KDM4C: variants seen among roughly 807,000 people sequenced by gnomAD.
KDM4C encodes the protein lysine-specific demethylase 4C.
Under a neutral mutation model 129.3 loss-of-function variants are expected in KDM4C, and 81 were observed. The ratio of observed to expected loss-of-function variants is 0.63; its 90% CI spans 0.52 to 0.75. The LOEUF is 0.75. Ranked by LOEUF, KDM4C falls within the 30% of genes least tolerant of loss-of-function variation. The pLI, the probability that KDM4C is intolerant of heterozygous loss-of-function variation, is 0.00. For missense variants in KDM4C, 1,457 were observed against 1,304.0 expected (o/e 1.12, Z -1.81); for synonymous variants, 573 against 456.1 (o/e 1.26, Z -3.26).
intron 8 of KDM4C, chr9:6,893,775 T>C (rs1846438815): frequency 6.6e-6 from 1 of 152,212 alleles, no homozygotes; most frequent in African/African-American, 2.4e-5. Context: ...TGGTATAAAA[T>C]TTTGCATCTC....
intron 5 of KDM4C, among the ~76,000 whole-genome samples, chr9:6,872,744 A>G (rs1165035540): frequency 2.0e-5 from 3 of 152,008 alleles, no homozygotes; most frequent in Non-Finnish European, 4.4e-5. Flanking sequence ...CCATCCCTTT[A>G]TTTTGAGCCT....
At chr9:7,061,271 G>A (rs908293623) in intron 17 of KDM4C, among the ~76,000 whole-genome samples, 2 of 152,156 alleles carry the variant, frequency 1.3e-5, no homozygotes, top group African/African-American at 4.8e-5. Context: ...GTTGAGCCAT[G>A]CTTACATCTC....
At chr9:7,118,517 T>G (rs570211435) in intron 18 of KDM4C, among the ~76,000 whole-genome samples, 12 of 152,360 alleles carry the variant, frequency 7.9e-5, no homozygotes, top group Admixed American at 3.3e-4. Flanking sequence ...TGTATTGATT[T>G]ATTTATTGCA....
chr9:6,843,011 C>T (rs1837248470), intron 4 of KDM4C, among the ~76,000 whole-genome samples: 1 of 152,192 alleles, frequency 6.6e-6, no homozygotes, highest in Non-Finnish European at 1.5e-5. Flanking sequence ...CTTACTGTAA[C>T]TTCCACCGCC....
chr9:6,958,081 TA>T lies in KDM4C; in HGVS notation c.922-22843del, dbSNP rs1194740133. 6.1e-5 allele frequency among the ~76,000 whole-genome samples: 6 copies of T among 98,628 alleles called. No individual in the cohort carries two copies. In the Admixed American group the frequency reaches 7.3e-4, roughly 12 times the overall value. 64.7% of individuals were successfully genotyped at this position (98,628 alleles called of 152,430 possible). A position where few individuals can be genotyped will look rare whatever the true frequency, so the allele number is the denominator to read the frequency against. ...CAACTGAGGGTTTGCTTCAGCAAAG[TA>T]GCTTTTTTTTTTTTTTAATAATTGC... On this transcript the variant is annotated intron_variant, in intron 8 of 21. Transcript: ENST00000381309.
chr9:6,952,913 A>G (rs1828431973), intron 8 of KDM4C, among the ~76,000 whole-genome samples: 1 of 152,198 alleles, frequency 6.6e-6, no homozygotes, highest in Non-Finnish European at 1.5e-5. Context: ...CACGGTTTGC[A>G]GTCGGGGGAG....
intron 1 of KDM4C, among the ~76,000 whole-genome samples, chr9:6,782,623 A>T (rs1455738284): frequency 6.6e-6 from 1 of 152,110 alleles, no homozygotes; most frequent in Non-Finnish European, 1.5e-5. Context: ...CTCCTTTGGG[A>T]ACATCGAGTG....
In KDM4C at chr9:6,758,289, ACGGGG is replaced by A; in HGVS notation, c.-18+87_-18+91del. On this transcript the variant is annotated intron_variant, in intron 1 of 21. Transcript: ENST00000381309. The surrounding 1 kb of genome is among the most constrained non-coding windows in gnomAD (Gnocchi z 4.6). ...GGCACTGCCCCCCTCCGCGTGGGGCACGGGGGTGCGGGCGTCCGGGCGAGCGGCGA... is the reference window on the plus strand; with the variant it reads ...GGCACTGCCCCCCTCCGCGTGGGGCAGTGCGGGCGTCCGGGCGAGCGGCGA... 8 of 839,464 alleles carry A rather than the reference ACGGGG, an allele frequency of 9.5e-6. No homozygotes were observed. The highest frequency in any genetic ancestry group is 1.1e-5 in the Non-Finnish European group (8 of 698,020). 52.0% of individuals were successfully genotyped at this position (839,464 alleles called of 1,614,324 possible).
At chr9:6,828,140 T>G (rs1363908493) in intron 4 of KDM4C, among the ~76,000 whole-genome samples, 6 of 151,964 alleles carry the variant, frequency 3.9e-5, no homozygotes, top group Admixed American at 3.9e-4. Context: ...TCAGTCTGTC[T>G]CTGGAATAAG....
At chr9:6,997,036 G>C (rs1200223525) in intron 12 of KDM4C, among the ~76,000 whole-genome samples, 1 of 152,118 alleles carries the variant, frequency 6.6e-6, no homozygotes, top group South Asian at 2.1e-4. Flanking sequence ...CTACAAATGA[G>C]GGTCAGTCGG....
At chr9:6,976,363 T>A (rs4742279) in intron 8 of KDM4C, among the ~76,000 whole-genome samples, 38,455 of 152,176 alleles carry the variant, frequency 0.25, 5,272 homozygotes, top group South Asian at 0.46. Flanking sequence ...TCTTAATTCT[T>A]ACTGTCTTCA....
chr9:6,876,416 T>C (rs560880436), intron 5 of KDM4C, among the ~76,000 whole-genome samples: 1 of 152,320 alleles, frequency 6.6e-6, no homozygotes, highest in Non-Finnish European at 1.5e-5. Context: ...TTCTGTGAGG[T>C]AGACTAGGTC....
At chr9:6,794,312 T>A (rs955295415) in intron 2 of KDM4C, among the ~76,000 whole-genome samples, 2 of 152,202 alleles carry the variant, frequency 1.3e-5, no homozygotes, top group African/African-American at 4.8e-5. Context: ...TAAACCAGTC[T>A]TTTCAAGATA....
intron 5 of KDM4C, among the ~76,000 whole-genome samples, chr9:6,865,479 G>C (rs943186231): frequency 7.9e-5 from 12 of 152,132 alleles, no homozygotes; most frequent in Non-Finnish European, 1.0e-4. Context: ...AGAAGGTCAT[G>C]GTTCCCTGTT....
intron 19 of KDM4C, among the ~76,000 whole-genome samples, chr9:7,145,209 C>G (rs1029926338): frequency 2.4e-4 from 36 of 152,200 alleles, no homozygotes; most frequent in African/African-American, 8.7e-4. Flanking sequence ...GGGGAGAAAG[C>G]TAACTACGTG....
intron 8 of KDM4C, among the ~76,000 whole-genome samples, chr9:6,957,739 G>C (rs1278973052): frequency 6.6e-6 from 1 of 152,166 alleles, no homozygotes; most frequent in African/African-American, 2.4e-5. Flanking sequence ...GGGTGGTGGG[G>C]AGGGGGTGAA....
upstream of KDM4C, among the ~76,000 whole-genome samples, chr9:6,754,880 T>TAAAAA (rs58382779): frequency 3.6e-5 from 3 of 83,352 alleles, no homozygotes; most frequent in African/African-American, 8.3e-5. Flanking sequence ...TGTCTCAAAG[T>TAAAAA]AAAAAAAAAA....
At chr9:6,902,969 T>C (rs531222820) in intron 8 of KDM4C, among the ~76,000 whole-genome samples, 2 of 152,256 alleles carry the variant, frequency 1.3e-5, no homozygotes, top group South Asian at 4.1e-4. Flanking sequence ...GTGCCCCTTG[T>C]TGAATTTGAA....
intron 4 of KDM4C, among the ~76,000 whole-genome samples, chr9:6,825,218 A>T (rs1833698004): frequency 6.6e-6 from 1 of 152,012 alleles, no homozygotes; most frequent in African/African-American, 2.4e-5. Flanking sequence ...TTATAAAGTC[A>T]TATGTCCTAT....
Sources: allele counts gnomAD v4.1 joint callset (sites outside exome capture counted in the v4.1 genomes callset), GRCh38; gene constraint gnomAD v4.1.1; non-coding constraint Gnocchi (gnomAD v3.1); transcripts MANE v1.5; gene names NCBI Gene and HGNC (gene_info 2026-07-23, HGNC 2026-07-21).